The following DLG1 variants were observed in gnomAD, a reference collection of about 807,000 sequenced individuals.
DLG1 encodes discs large MAGUK scaffold protein 1.
A neutral mutation model predicts 123.4 loss-of-function variants in DLG1; 42 were observed. The ratio of observed to expected loss-of-function variants is 0.34; its 90% CI spans 0.27 to 0.44. The LOEUF is 0.44. Among genes scored for constraint, DLG1 ranks in the 20% least tolerant of loss-of-function variants. The pLI is 1.00. For missense variants in DLG1, 942 were observed against 1,082.6 expected, an observed-to-expected ratio of 0.87 and a Z score of 1.82; for synonymous variants, 317 against 356.2, an observed-to-expected ratio of 0.89 and a Z score of 1.24.
At chr3:197,137,012 C>A (rs1785377514) in intron 9 of DLG1, among the ~76,000 whole-genome samples, 1 of 152,164 alleles carries the variant, frequency 6.6e-6, no homozygotes, top group East Asian at 1.9e-4. Flanking sequence ...AATATTTTCA[C>A]AAGAACAAAA....
intron 10 of DLG1, among the ~76,000 whole-genome samples, chr3:197,131,402 AT>A (rs573328586): frequency 1.3e-5 from 2 of 151,624 alleles, no homozygotes; most frequent in Admixed American, 6.6e-5. Flanking sequence ...ACTCAAGTTG[AT>A]TTTTTTTCAA....
chr3:197,053,811 C>T (rs1468737490), intron 23 of DLG1, among the ~76,000 whole-genome samples: 1 of 140,186 alleles, frequency 7.1e-6, no homozygotes, highest in Non-Finnish European at 1.5e-5. Context: ...GATTGCTGGG[C>T]AAGGTGGGTA....
intron 5 of DLG1, among the ~76,000 whole-genome samples, chr3:197,179,541 G>T (rs907348965): frequency 6.6e-6 from 1 of 152,080 alleles, no homozygotes; most frequent in Admixed American, 6.6e-5. Flanking sequence ...GCTATCCTAG[G>T]TGCAATAATT....
At chr3:197,135,936 C>T (rs1292028809) in intron 10 of DLG1, among the ~76,000 whole-genome samples, 1 of 152,076 alleles carries the variant, frequency 6.6e-6, no homozygotes, top group African/African-American at 2.4e-5. Flanking sequence ...CTCAGCCTCC[C>T]AAGGAGCTGG....
chr3:197,238,354 G>C (rs1483198214), intron 4 of DLG1, among the ~76,000 whole-genome samples: 1 of 152,132 alleles, frequency 6.6e-6, no homozygotes, highest in Non-Finnish European at 1.5e-5. Flanking sequence ...AGAGTTTAAA[G>C]TAGGCGTCAT....
At chr3:197,248,604 G>A (rs948593464) in intron 4 of DLG1, among the ~76,000 whole-genome samples, 1 of 152,124 alleles carries the variant, frequency 6.6e-6, no homozygotes, top group Non-Finnish European at 1.5e-5. Context: ...GGAAAGCAGG[G>A]GTTTTTATTC....
At chr3:197,089,021 G>A (rs1221964763) in intron 15 of DLG1, among the ~76,000 whole-genome samples, 1 of 152,196 alleles carries the variant, frequency 6.6e-6, no homozygotes, top group Non-Finnish European at 1.5e-5. Flanking sequence ...ATCTACCATG[G>A]TTGTAAGACT....
chr3:197,194,514 G>A lies in DLG1; in HGVS notation c.394C>T (p.Pro132Ser). 6.2e-7 allele frequency: 1 copy of A among 1,606,076 alleles called. No individual in the cohort carries two copies. Among genetic ancestry groups the A allele is most frequent in the East Asian group, 2.3e-5 (1 of 44,358 alleles). Reference protein sequence around the residue: ...SPQITNEVIGPELVHVSEKNL... With the variant: ...SPQITNEVIGSELVHVSEKNL... ...TTCTCTGAGACATGAACCAATTCTG[G>A]ACCTATCACTTCATTTGTGATTTGT... is the stretch of plus-strand genomic sequence containing the variant. Residue 132 changes from proline to serine, a missense_variant, in exon 5 of 25, where the codon CCA becomes TCA. By Grantham distance (74) the Pro-to-Ser change is moderately conservative. Transcript: ENST00000667157.
intron 10 of DLG1, among the ~76,000 whole-genome samples, chr3:197,131,580 CTTTCTTT>C (rs1782501319): frequency 3.6e-4 from 43 of 120,720 alleles, no homozygotes; most frequent in Non-Finnish European, 5.4e-4. Context: ...TTATTTCTTC[CTTTCTTT>C]TTTTTTTTTT....
At position 197,138,286 on chromosome 3, in the gene DLG1, A is replaced by G; in HGVS notation, c.819T>C (p.Tyr273=). 1.9e-6 allele frequency: 3 copies of G among 1,603,934 alleles called. No individual in the cohort carries two copies. Among genetic ancestry groups the G allele is most frequent in the Admixed American group, 3.4e-5 (2 of 59,628 alleles). ...CTGACACTGGTTTCCTTCTTTTTAC[A>G]TACAAGCGTACAATAGACCCTGCTT... is the stretch of plus-strand genomic sequence containing the variant. ...LKEAGSIVRL[Y]VKRRKPVSEK... Residue 273 remains tyrosine (Y), a synonymous_variant, in exon 9 of 25, where the codon TAT becomes TAC. Coordinates refer to ENST00000667157, the MANE Select transcript of DLG1 (RefSeq NM_001366207.1).
chr3:197,053,124 T>A (rs999231803), intron 23 of DLG1, among the ~76,000 whole-genome samples: 6 of 152,168 alleles, frequency 3.9e-5, no homozygotes, highest in African/African-American at 1.4e-4. Context: ...ACAAGATTGG[T>A]CATAAGTGGA....
intron 12 of DLG1, 148 bp from the exon 13 acceptor site, chr3:197,116,231 TAA>T (rs1480861547): frequency 1.8e-5 from 11 of 621,510 alleles, no homozygotes; most frequent in Middle Eastern, 4.4e-4. Context: ...AACTACGAGA[TAA>T]AGAGATTCTA....
At chr3:197,178,702 A>C (rs755717710) in intron 5 of DLG1, among the ~76,000 whole-genome samples, 1 of 152,198 alleles carries the variant, frequency 6.6e-6, no homozygotes, top group Non-Finnish European at 1.5e-5. Context: ...TAGAATATTA[A>C]AAGAGCAGTA....
intron 5 of DLG1, among the ~76,000 whole-genome samples, chr3:197,172,920 G>C (rs1006362995): frequency 6.6e-6 from 1 of 152,130 alleles, no homozygotes; most frequent in Admixed American, 6.5e-5. Context: ...ACTGCATTAG[G>C]AAGTACAACT....
intron 23 of DLG1, among the ~76,000 whole-genome samples, chr3:197,054,737 C>G (rs1026189640): frequency 2.0e-5 from 3 of 151,270 alleles, no homozygotes; most frequent in Non-Finnish European, 4.4e-5. Context: ...CTTGACCTCC[C>G]AGGCTCAAGA....
At position 197,149,810 on chromosome 3, in the gene DLG1, T is replaced by C. The variant is rs751730768; in HGVS notation, c.484-14A>G. The C allele has an allele frequency of 9.2e-6, 14 of 1,528,316 alleles. No homozygotes were observed. Among genetic ancestry groups the C allele is most frequent in the African/African-American group, 1.4e-5 (1 of 72,888 alleles). The allele number at this position is 1,528,316 out of a possible 1,614,324, so 94.7% of individuals were successfully genotyped here. A position where few individuals can be genotyped will look rare whatever the true frequency, so the allele number is the denominator to read the frequency against. The stretch of plus-strand genomic sequence containing the variant: ...GGGAGGATTTGCCTTTAAGAAGAAA[T>C]TGTAAATGTGTTAACAAGAAAATAA... On this transcript the variant is annotated splice_polypyrimidine_tract_variant and intron_variant, in intron 5 of 24. Transcript: ENST00000667157.
At chr3:197,092,429 G>A (rs1758252419) in intron 14 of DLG1, among the ~76,000 whole-genome samples, 1 of 152,158 alleles carries the variant, frequency 6.6e-6, no homozygotes, top group African/African-American at 2.4e-5. Flanking sequence ...TATGATTACT[G>A]TAAACAGTTA....
intron 3 of DLG1, among the ~76,000 whole-genome samples, chr3:197,285,755 AG>A (rs1178601382): frequency 6.6e-6 from 1 of 152,232 alleles, no homozygotes; most frequent in East Asian, 1.9e-4. Flanking sequence ...GTGAGGACAC[AG>A]GGCAACACAT....
At position 197,208,650 on chromosome 3, in the gene DLG1, T is replaced by G; in HGVS notation, c.319-14061A>C. Among the ~76,000 whole-genome samples the G allele has an allele frequency of 1.4e-5, 2 of 142,016 alleles. 1 individual carries two copies. Among genetic ancestry groups the G allele is most frequent in the Non-Finnish European group, 3.1e-5 (2 of 63,500 alleles). The allele number at this position is 142,016 out of a possible 152,430, so 93.2% of individuals were successfully genotyped here. On this transcript the variant is annotated intron_variant, in intron 4 of 24. Coordinates refer to ENST00000667157, the MANE Select transcript of DLG1 (RefSeq NM_001366207.1). ...TATAATGTTAAGTGGTGAAAACAAGTCCAGAATAGTATAGACTACACTCCT... is the reference window on the plus strand; with the variant it reads ...TATAATGTTAAGTGGTGAAAACAAGGCCAGAATAGTATAGACTACACTCCT...
Sources: gnomAD v4.1 joint callset for allele counts (sites outside exome capture counted in the v4.1 genomes callset) on GRCh38, gnomAD v4.1.1 for gene constraint, MANE v1.5 for transcripts, NCBI Gene and HGNC (gene_info 2026-07-23, HGNC 2026-07-21) for gene names.